AUTS2: variants seen among roughly 807,000 people sequenced by gnomAD.
The protein encoded by AUTS2 is activator of transcription and developmental regulator AUTS2.
In AUTS2, 17 loss-of-function variants were observed where a neutral mutation model predicts 112.4. That is an observed-to-expected ratio of 0.15 (90% CI 0.10 to 0.23). AUTS2 has a LOEUF of 0.23. AUTS2 is among the 10% of genes least tolerant of loss of function. The pLI is 1.00. For synonymous variants in AUTS2, 751 were observed against 702.7 expected, an observed-to-expected ratio of 1.07 and a Z score of -1.09; for missense variants, 1,510 against 1,701.6, an observed-to-expected ratio of 0.89 and a Z score of 1.98.
chr7:70,578,926 C>CT (rs71077663), intron 5 of AUTS2, among the ~76,000 whole-genome samples: 29,828 of 132,196 alleles, frequency 0.23, 3,319 homozygotes, highest in Middle Eastern at 0.34. Context: ...TTTTTTCTTT[C>CT]TTTTTTTTTT....
At chr7:70,248,351 T>C in intron 4 of AUTS2, among the ~76,000 whole-genome samples, 1 of 152,182 alleles carries the variant, frequency 6.6e-6, no homozygotes, top group East Asian at 1.9e-4. Context: ...CTCAAACTCC[T>C]GACCTCAAGT....
rs189699847 is a variant in AUTS2 at position 70,158,973 on chromosome 7, T to A, written c.660+24402T>A. 5.9e-5 allele frequency among the ~76,000 whole-genome samples: 9 copies of A among 152,364 alleles called. No homozygotes were observed. The East Asian group carries it at 1.7e-3, about 29-fold the overall frequency. ...AGTGAAGGCATGTTACATATTTGTT[T>A]GGACCACAGCATACTTTCAGGAAAC... On this transcript the variant is annotated intron_variant, in intron 4 of 18. Transcript: ENST00000342771.
intron 5 of AUTS2, among the ~76,000 whole-genome samples, chr7:70,528,323 G>A (rs1011759794): frequency 1.3e-5 from 2 of 151,954 alleles, no homozygotes; most frequent in African/African-American, 4.8e-5. Flanking sequence ...GGAAAGCCCT[G>A]GTTGAGGGCG....
At chr7:69,997,991 G>A (rs1326780353) in intron 2 of AUTS2, among the ~76,000 whole-genome samples, 2 of 152,152 alleles carry the variant, frequency 1.3e-5, no homozygotes, top group African/African-American at 4.8e-5. Flanking sequence ...TTAACATTCT[G>A]TGATTTTTAG....
chr7:70,754,395 G>A (rs376544513), intron 6 of AUTS2, among the ~76,000 whole-genome samples: 1 of 151,994 alleles, frequency 6.6e-6, no homozygotes, highest in Non-Finnish European at 1.5e-5. Context: ...AGACTAAGGT[G>A]GGAGGATCAT....
intron 1 of AUTS2, among the ~76,000 whole-genome samples, chr7:69,827,570 C>A (rs1476002472): frequency 6.6e-6 from 1 of 152,136 alleles, no homozygotes; most frequent in Non-Finnish European, 1.5e-5. Flanking sequence ...ACTTAAAACA[C>A]AAGAACTTAA....
chr7:70,595,706 C>A (rs75258707), intron 5 of AUTS2, among the ~76,000 whole-genome samples: 8,152 of 152,316 alleles, frequency 0.054, 338 homozygotes, highest in Non-Finnish European at 0.071. Context: ...GGAGTAGATA[C>A]TTCATTCAGA....
chr7:69,601,272 C>T (rs1053935956), intron 1 of AUTS2, among the ~76,000 whole-genome samples: 2 of 152,020 alleles, frequency 1.3e-5, no homozygotes, highest in African/African-American at 4.8e-5. Flanking sequence ...TTTGAGGTTC[C>T]TGAAGGAAAC....
intron 6 of AUTS2, among the ~76,000 whole-genome samples, chr7:70,715,065 T>G (rs982393770): frequency 6.6e-6 from 1 of 152,228 alleles, no homozygotes; most frequent in African/African-American, 2.4e-5. Flanking sequence ...GCTGAAATTC[T>G]TCAGTACAAT....
intron 6 of AUTS2, among the ~76,000 whole-genome samples, chr7:70,757,147 C>G (rs1316162294): frequency 6.6e-6 from 1 of 152,140 alleles, no homozygotes; most frequent in South Asian, 2.1e-4. Flanking sequence ...TTGAAAAAAG[C>G]AATTTTGTGG....
At chr7:70,341,037 T>A (rs6943555) in intron 4 of AUTS2, among the ~76,000 whole-genome samples, 51,793 of 152,068 alleles carry the variant, frequency 0.34, 10,144 homozygotes, top group African/African-American at 0.54. Context: ...AGTAAGGCTG[T>A]TTTCCTCTTT....
intron 4 of AUTS2, among the ~76,000 whole-genome samples, chr7:70,313,199 T>C (rs960041084): frequency 6.6e-6 from 1 of 152,134 alleles, no homozygotes; most frequent in Non-Finnish European, 1.5e-5. Flanking sequence ...GTACTCAGGG[T>C]TAGACTTGAT....
chr7:69,714,720 T>G (rs1798518665), intron 1 of AUTS2, among the ~76,000 whole-genome samples: 1 of 152,174 alleles, frequency 6.6e-6, no homozygotes, highest in Admixed American at 6.5e-5. Context: ...AATTTTAGAA[T>G]CAGCTTTTCT....
At chr7:70,639,390 C>T (rs1013878) in intron 5 of AUTS2, among the ~76,000 whole-genome samples, 115,608 of 151,428 alleles carry the variant, frequency 0.76, 44,381 homozygotes, top group South Asian at 0.89. Flanking sequence ...TCAAAGGAAA[C>T]AGGGAGCTTG....
intron 5 of AUTS2, among the ~76,000 whole-genome samples, chr7:70,447,094 C>T (rs1163908460): frequency 6.6e-6 from 1 of 152,214 alleles, no homozygotes; most frequent in Non-Finnish European, 1.5e-5. Flanking sequence ...TTGTATTGTT[C>T]TTGTCTGCCT....
chr7:69,884,443 A>G (rs1423992986), intron 1 of AUTS2, among the ~76,000 whole-genome samples: 1 of 152,240 alleles, frequency 6.6e-6, no homozygotes, highest in Non-Finnish European at 1.5e-5. Context: ...GCTATCAGAG[A>G]ACATTTAATT....
chr7:69,638,295 C>T (rs1304141128), intron 1 of AUTS2, among the ~76,000 whole-genome samples: 5 of 152,296 alleles, frequency 3.3e-5, no homozygotes, highest in South Asian at 2.1e-4. Context: ...GGACTACAGG[C>T]GTGAGCCACT....
intron 12 of AUTS2, 164 bp downstream of exon 12, chr7:70,774,263 C>T: frequency 1.5e-6 from 1 of 654,828 alleles, no homozygotes; most frequent in South Asian, 1.8e-5. Context: ...TTAGAAAACA[C>T]AGTCTCTCCT....
intron 5 of AUTS2, among the ~76,000 whole-genome samples, chr7:70,545,367 A>G (rs908564617): frequency 1.5e-4 from 23 of 152,348 alleles, no homozygotes; most frequent in African/African-American, 5.0e-4. Context: ...TCGGAGAGAA[A>G]GTCCCTGCTG....
Sources: gnomAD v4.1 joint callset for allele counts (sites outside exome capture counted in the v4.1 genomes callset) on GRCh38, gnomAD v4.1.1 for gene constraint, MANE v1.5 for transcripts, NCBI Gene and HGNC (gene_info 2026-07-23, HGNC 2026-07-21) for gene names.